Variants in BFSP1 observed in about 807,000 individuals in gnomAD.
The protein encoded by BFSP1 is filensin.
Under a neutral mutation model 43.9 loss-of-function variants are expected in BFSP1, and 38 were observed. That is an observed-to-expected ratio of 0.87 (90% CI 0.67 to 1.14). The LOEUF is 1.14. Among genes scored for constraint, BFSP1 ranks in the 50% most tolerant of loss-of-function variants. BFSP1 has a pLI of 0.00. For missense variants in BFSP1, 850 were observed against 875.1 expected (o/e 0.97, Z 0.36); for synonymous variants, 352 against 354.8 (o/e 0.99, Z 0.09).
intron 6 of BFSP1, among the ~76,000 whole-genome samples, chr20:17,497,472 G>A (rs1416672712): frequency 1.7e-4 from 7 of 40,608 alleles, no homozygotes; most frequent in South Asian, 8.1e-4. Context: ...ACACACACAC[G>A]TATATATACG....
chr20:17,524,127 C>G (rs569611286), intron 2 of BFSP1, among the ~76,000 whole-genome samples: 2 of 152,264 alleles, frequency 1.3e-5, no homozygotes, highest in East Asian at 3.9e-4. Flanking sequence ...AGCTCAAAAA[C>G]GATCAGAAAA....
upstream of BFSP1, chr20:17,563,151 C>T (rs2035082151): frequency 6.6e-6 from 1 of 152,208 alleles, no homozygotes; most frequent in Admixed American, 6.5e-5. Flanking sequence ...CTGGTTATCT[C>T]CCAATATCCA....
chr20:17,559,147 C>T (rs547506189), upstream of BFSP1, among the ~76,000 whole-genome samples: 3 of 152,206 alleles, frequency 2.0e-5, no homozygotes, highest in South Asian at 6.2e-4. Context: ...TGTCAATCAG[C>T]TCCCTTTGCC....
chr20:17,542,013 G>A (rs2034726325), intron 1 of BFSP1, among the ~76,000 whole-genome samples: 1 of 152,086 alleles, frequency 6.6e-6, no homozygotes, highest in South Asian at 2.1e-4. Context: ...ACTTTGCGAG[G>A]GTTTGCTAAC....
At chr20:17,563,466 A>G (rs183921147), upstream of BFSP1, among the ~76,000 whole-genome samples, 220 of 148,992 alleles carry the variant, frequency 1.5e-3, 3 homozygotes, top group Non-Finnish European at 8.9e-5. Flanking sequence ...TTCCTGCCTC[A>G]GCCTCCGGAG....
rs913200482 is a variant in BFSP1 at position 17,531,050 on chromosome 20, T to G, written c.280A>C (p.Ser94Arg). 14 of 1,416,840 alleles carry G rather than the reference T, an allele frequency of 9.9e-6. No individual in the cohort carries two copies. The Admixed American group carries it at 2.9e-4, about 29-fold the overall frequency. The allele number at this position is 1,416,840 out of a possible 1,614,324, so 87.8% of individuals were successfully genotyped here. Residue 94 changes from serine to arginine, a missense_variant, in exon 1 of 8, where the codon AGC (serine) becomes CGC (arginine). By Grantham distance (110) the Ser-to-Arg change is moderately radical (BLOSUM62 -1). Coordinates refer to ENST00000377873, the MANE Select transcript of BFSP1 (RefSeq NM_001195.5). ...PEDALARQVE[S>R]NRQRVRDLEA... ...AGGTCCCGGACGCGCTGGCGGTTGC[T>G]CTCGACTTGGCGGGCGAGGGCGTCC...
At chr20:17,497,617 C>CATATATCTTAAGTTGTGTATATATAT (rs201544354) in intron 6 of BFSP1, among the ~76,000 whole-genome samples, 2 of 144,198 alleles carry the variant, frequency 1.4e-5, no homozygotes, top group Admixed American at 1.4e-4. Flanking sequence ...CGTATATATA[C>CATATATCTTAAGTTGTGTATATATAT]ATATACACAC....
upstream of BFSP1, among the ~76,000 whole-genome samples, chr20:17,560,044 T>A (rs571127976): frequency 4.6e-5 from 7 of 152,170 alleles, 1 homozygote; most frequent in African/African-American, 1.7e-4. Flanking sequence ...AACTCAGAGT[T>A]CCCTCATCAG....
chr20:17,528,321 G>A (rs2034464109), intron 1 of BFSP1, among the ~76,000 whole-genome samples: 1 of 152,222 alleles, frequency 6.6e-6, no homozygotes, highest in South Asian at 2.1e-4. Flanking sequence ...AGAACCAAGT[G>A]CAATCAGTAA....
At chr20:17,558,833 G>T in exon 1 of BFSP1, 2 of 1,261,380 alleles carry the variant, frequency 1.6e-6, no homozygotes, top group East Asian at 2.6e-5. Context: ...GGCTGAGAAA[G>T]AAAGGAGGCT....
At chr20:17,501,577 G>A (rs2033802052) in intron 5 of BFSP1, among the ~76,000 whole-genome samples, 1 of 106,270 alleles carries the variant, frequency 9.4e-6, no homozygotes, top group Non-Finnish European at 2.0e-5. Flanking sequence ...CCCAGACTGG[G>A]TGACAGAGCG....
At chr20:17,501,294 G>C (rs1044872547) in intron 5 of BFSP1, among the ~76,000 whole-genome samples, 1 of 152,216 alleles carries the variant, frequency 6.6e-6, no homozygotes, top group African/African-American at 2.4e-5. Flanking sequence ...GCCGGGTGTG[G>C]TGGCTCACAC....
intron 1 of BFSP1, among the ~76,000 whole-genome samples, chr20:17,540,495 C>G (rs2034697952): frequency 6.6e-6 from 1 of 152,134 alleles, no homozygotes; most frequent in Non-Finnish European, 1.5e-5. Flanking sequence ...CCCAAGACAC[C>G]ATTCCAGTTA....
At chr20:17,515,003 T>C (rs887858957) in intron 2 of BFSP1, among the ~76,000 whole-genome samples, 187 bp from the exon 3 acceptor site, 4 of 152,252 alleles carry the variant, frequency 2.6e-5, no homozygotes, top group African/African-American at 9.6e-5. Context: ...GGACCTGTTC[T>C]AGAAGAGCAG....
chr20:17,517,370 A>T (rs1333286770), intron 2 of BFSP1: 1 of 930,274 alleles, frequency 1.1e-6, no homozygotes, highest in East Asian at 2.4e-5. Context: ...AAACAAACAA[A>T]ATCATTTCCT....
chr20:17,549,857 A>C (rs1441842938), intron 1 of BFSP1, among the ~76,000 whole-genome samples: 1 of 152,094 alleles, frequency 6.6e-6, no homozygotes, highest in African/African-American at 2.4e-5. Context: ...AATTAATTAA[A>C]TAAAAAGTAA....
chr20:17,493,978 C>T lies in BFSP1; in HGVS notation c.*96G>A. 1 of 1,215,626 alleles carries T rather than the reference C, an allele frequency of 8.2e-7. No individual in the cohort carries two copies. The highest frequency in any genetic ancestry group is 1.5e-5 in the South Asian group (1 of 66,486). The allele number at this position is 1,215,626 out of a possible 1,614,324, so 75.3% of individuals were successfully genotyped here. ...TGGGTCAACTATGGTCTAATCCAAA[C>T]AGGAACCCTCACCCTTTTATCATTT... is the stretch of plus-strand genomic sequence containing the variant. On this transcript the variant is annotated 3_prime_UTR_variant, in exon 8 of 8. Coordinates refer to ENST00000377873, the MANE Select transcript of BFSP1 (RefSeq NM_001195.5).
At chr20:17,559,672 G>A (rs1376515879), upstream of BFSP1, among the ~76,000 whole-genome samples, 1 of 152,164 alleles carries the variant, frequency 6.6e-6, no homozygotes, top group Non-Finnish European at 1.5e-5. Context: ...ATCAGCGGCG[G>A]CATTAGATTC....
At chr20:17,559,778 T>C (rs938501046), upstream of BFSP1, among the ~76,000 whole-genome samples, 6 of 152,134 alleles carry the variant, frequency 3.9e-5, no homozygotes, top group Non-Finnish European at 7.4e-5. Flanking sequence ...TGATCTGAGA[T>C]GGAACAGTTT....
Sources: allele counts gnomAD v4.1 joint callset (sites outside exome capture counted in the v4.1 genomes callset), GRCh38; gene constraint gnomAD v4.1.1; transcripts MANE v1.5; gene names NCBI Gene and HGNC (gene_info 2026-07-23, HGNC 2026-07-21).